FSIP2: variants seen among roughly 807,000 people sequenced by gnomAD.
FSIP2 encodes the protein fibrous sheath-interacting protein 2.
FSIP2 carries 367 observed loss-of-function variants against 510.5 expected under a neutral mutation model. The ratio of observed to expected loss-of-function variants is 0.72; its 90% confidence interval spans 0.66 to 0.78. The LOEUF (loss-of-function observed/expected upper bound fraction) is 0.78. Ranked by LOEUF, FSIP2 falls within the 30% of genes least tolerant of loss-of-function variation. The probability of loss-of-function intolerance (pLI) is 0.00; values close to 1 mark genes in which losing one functional copy is unlikely to be tolerated. For synonymous variants in FSIP2, 2,601 were observed against 2,732.2 expected (o/e 0.95, Z 1.50); for missense variants, 7,594 against 7,901.7 (o/e 0.96, Z 1.48).
chr2:185,756,691 G>A (rs901012416), intron 9 of FSIP2, among the ~76,000 whole-genome samples: 7 of 151,124 alleles, frequency 4.6e-5, no homozygotes, highest in African/African-American at 1.7e-4. Flanking sequence ...TTTAACTTAT[G>A]TTATGTCACT....
rs1312076712 is a variant in FSIP2 at position 185,794,846 on chromosome 2, A to G, written c.7710A>G (p.Ile2570Met). ...ENNKSRTEVE[I>M]SDHNDSLLMK... is the part of the protein sequence containing the mutation. ...ATAAAAGTAGGACAGAAGTTGAAAT[A>G]TCTGACCACAATGATTCCTTACTAA... Residue 2570 changes from isoleucine to methionine, a missense_variant, in exon 16 of 23, where the codon ATA (isoleucine) becomes ATG (methionine). Coordinates refer to ENST00000424728, the MANE Select transcript of FSIP2 (RefSeq NM_173651.4). 2.0e-6 allele frequency: 3 copies of G among 1,531,964 alleles called. No individual in the cohort carries two copies. Among genetic ancestry groups the G allele is most frequent in the Admixed American group, 2.0e-5 (1 of 50,810 alleles). The allele number at this position is 1,531,964 out of a possible 1,614,324, so 94.9% of individuals were successfully genotyped here.
At chr2:185,739,322 A>G in intron 1 of FSIP2, 24 bp from the exon 2 acceptor site, 1 of 1,509,426 alleles carries the variant, frequency 6.6e-7, no homozygotes. Context: ...AGGAAAGACA[A>G]AACTCTCCAA....
chr2:185,746,844 A>T (rs200116735), intron 6 of FSIP2, 34 bp downstream of exon 6: 1 of 1,393,532 alleles, frequency 7.2e-7, no homozygotes, highest in Non-Finnish European at 9.6e-7. Flanking sequence ...ATTAACAGAA[A>T]AATTGTGTAC....
intron 19 of FSIP2, among the ~76,000 whole-genome samples, chr2:185,817,389 A>G (rs1021975730): frequency 6.6e-6 from 1 of 152,080 alleles, no homozygotes; most frequent in Admixed American, 6.6e-5. Context: ...TTATGGGAAG[A>G]GAGAGATACA....
chr2:185,815,526 A>C, intron 19 of FSIP2, 55 bp downstream of exon 19: 2 of 840,528 alleles, frequency 2.4e-6, no homozygotes, highest in Non-Finnish European at 3.7e-6. Flanking sequence ...AGAGCTTATG[A>C]GTAGAATGGG....
In FSIP2 at chr2:185,807,863, T is replaced by C. The variant is rs1273774671; in HGVS notation, c.18557T>C (p.Phe6186Ser). 6.2e-7 allele frequency: 1 copy of C among 1,609,686 alleles called. No individual in the cohort carries two copies. The highest frequency in any genetic ancestry group is 1.7e-5 in the Admixed American group (1 of 59,310). The change falls in exon 17 of 23, where the codon TTT becomes TCT. Residue 6186 changes from phenylalanine to serine, a missense_variant. Physicochemically the swap from Phe to Ser is radical, Grantham distance 155. Coordinates refer to ENST00000424728, the MANE Select transcript of FSIP2 (RefSeq NM_173651.4). Reference sequence around the variant, plus strand: ...ATAATAGAAGAAATTGCTGTGAAATTTTTATCAAAGCTTTTATCTATATTT... The same window carrying C: ...ATAATAGAAGAAATTGCTGTGAAATCTTTATCAAAGCTTTTATCTATATTT... ...YNIIEEIAVK[F>S]LSKLLSIFPK...
Position 185,806,578 on chromosome 2 carries a change from A to C in FSIP2, c.17272A>C (p.Arg5758=). The C allele has an allele frequency of 6.2e-7, 1 of 1,607,098 alleles. No homozygotes were observed. Among genetic ancestry groups the C allele is most frequent in the Non-Finnish European group, 8.5e-7 (1 of 1,177,692 alleles). ...GGAAGAGAGAGAAAAAGAGAAAGTA[A>C]GAGAGGAGATTAAAAGTGAACCCAG... ...EEEEREKEKV[R]EEIKSEPSKP... is the part of the protein sequence containing the mutation. The change falls in exon 17 of 23, where the codon AGA becomes CGA. Residue 5758 remains arginine (R), a synonymous_variant. Coordinates refer to ENST00000424728, the MANE Select transcript of FSIP2 (RefSeq NM_173651.4).
chr2:185,823,395 A>G (rs1458362200), intron 19 of FSIP2, among the ~76,000 whole-genome samples: 1 of 151,774 alleles, frequency 6.6e-6, no homozygotes, highest in African/African-American at 2.4e-5. Context: ...AAATGTGCAA[A>G]GGACTTGAAT....
intron 8 of FSIP2, among the ~76,000 whole-genome samples, chr2:185,754,677 G>A (rs908469749): frequency 6.6e-5 from 10 of 151,400 alleles, no homozygotes; most frequent in Non-Finnish European, 1.3e-4. Context: ...GCATTTATCA[G>A]CATCTAGAGT....
chr2:185,757,329 G>A (rs575556172), intron 9 of FSIP2, among the ~76,000 whole-genome samples: 6 of 151,476 alleles, frequency 4.0e-5, no homozygotes, highest in East Asian at 1.9e-4. Context: ...CCAGTTTATC[G>A]TGACAATTGT....
chr2:185,741,356 A>C (rs1177109212), intron 2 of FSIP2, among the ~76,000 whole-genome samples: 1 of 152,216 alleles, frequency 6.6e-6, no homozygotes, highest in African/African-American at 2.4e-5. Context: ...GTAATGGTTA[A>C]TAGTCACCTT....
intron 14 of FSIP2, among the ~76,000 whole-genome samples, chr2:185,785,496 A>G (rs1692950437): frequency 6.6e-6 from 1 of 152,218 alleles, no homozygotes; most frequent in African/African-American, 2.4e-5. Context: ...TTAAGAAAGT[A>G]GAAAGAAGAA....
At chr2:185,763,491 G>GT (rs1368446097) in intron 12 of FSIP2, among the ~76,000 whole-genome samples, 1 of 151,558 alleles carries the variant, frequency 6.6e-6, no homozygotes, top group Admixed American at 6.6e-5. Flanking sequence ...TTCATGGTAC[G>GT]TATCTACAAC....
chr2:185,781,963 C>T (rs190802835), intron 13 of FSIP2, among the ~76,000 whole-genome samples: 3 of 152,182 alleles, frequency 2.0e-5, no homozygotes, highest in African/African-American at 7.2e-5. Context: ...TCAGCATCCC[C>T]CAGCAGCTGG....
chr2:185,738,986 G>A lies in FSIP2; in HGVS notation c.92G>A (p.Cys31Tyr). ...ASVLAADTQQ[C>Y]RDGVHKTHFA... ...GTCCTGGCCGCGGACACCCAGCAGTGCAGAGACGTGAGTGGCCGCAAGCTG... is the reference window on the plus strand; with the variant it reads ...GTCCTGGCCGCGGACACCCAGCAGTACAGAGACGTGAGTGGCCGCAAGCTG... The change falls in exon 1 of 23, where the codon TGC becomes TAC. Residue 31 changes from cysteine to tyrosine, a missense_variant. Transcript: ENST00000424728. 1.3e-6 allele frequency: 2 copies of A among 1,532,846 alleles called. No homozygotes were observed. The highest frequency in any genetic ancestry group is 4.9e-5 in the East Asian group (2 of 40,888). The allele number at this position is 1,532,846 out of a possible 1,614,324, so 95.0% of individuals were successfully genotyped here.
rs530182303 is a variant in FSIP2, at chr2:185,790,397, G to A, written c.3261G>A (p.Ser1087=). Residue 1087 remains serine, a synonymous_variant, in exon 16 of 23, where the codon TCG becomes TCA. Coordinates refer to ENST00000424728, the MANE Select transcript of FSIP2 (RefSeq NM_173651.4). ...HEDILKKKLS[S]NKDISTFSQD... ...ATATTTTAAAGAAAAAACTTTCTTCGAATAAAGACATTTCAACTTTCAGCC... is the reference window on the plus strand; with the variant it reads ...ATATTTTAAAGAAAAAACTTTCTTCAAATAAAGACATTTCAACTTTCAGCC... 1.3e-5 allele frequency: 20 copies of A among 1,528,482 alleles called. No homozygotes were observed. The highest frequency in any genetic ancestry group is 4.9e-5 in the East Asian group (2 of 40,832). 94.7% of individuals were successfully genotyped at this position (1,528,482 alleles called of 1,614,324 possible).
At chr2:185,765,644 T>A (rs553335089) in intron 13 of FSIP2, 9 of 152,180 alleles carry the variant, frequency 5.9e-5, no homozygotes, top group Admixed American at 1.3e-4. Context: ...TTTGGTTCCA[T>A]ATGAACTTTA....
intron 13 of FSIP2, among the ~76,000 whole-genome samples, chr2:185,776,358 T>C (rs1692718555): frequency 6.6e-6 from 1 of 152,312 alleles, no homozygotes; most frequent in East Asian, 1.9e-4. Context: ...AACTCAACAC[T>C]GTACATTTTG....
Position 185,793,862 on chromosome 2 carries a change from T to C in FSIP2, c.6726T>C (p.Ala2242=), listed in dbSNP as rs1303259756. 6.5e-7 allele frequency: 1 copy of C among 1,531,830 alleles called. No individual in the cohort carries two copies. The highest frequency in any genetic ancestry group is 8.7e-7 in the Non-Finnish European group (1 of 1,144,600). 94.9% of individuals were successfully genotyped at this position (1,531,830 alleles called of 1,614,324 possible). Residue 2242 remains alanine, a synonymous_variant, in exon 16 of 23, where the codon GCT becomes GCC. Transcript: ENST00000424728. ...VVEKEDTQKS[A]TDSCEENANF... is the part of the protein sequence containing the mutation. ...AGAAAGAAGACACTCAGAAATCTGC[T>C]ACTGACTCATGTGAGGAAAATGCTA... is the stretch of plus-strand genomic sequence containing the variant.
Sources: gnomAD v4.1 joint callset for allele counts (sites outside exome capture counted in the v4.1 genomes callset) on GRCh38, gnomAD v4.1.1 for gene constraint, MANE v1.5 for transcripts, NCBI Gene and HGNC (gene_info 2026-07-23, HGNC 2026-07-21) for gene names.